The following GOLPH3L variants were observed in gnomAD, a reference collection of about 807,000 sequenced individuals.
GOLPH3L encodes golgi phosphoprotein 3 like.
Under a neutral mutation model 30.3 loss-of-function variants are expected in GOLPH3L, and 22 were observed. That is an observed-to-expected ratio of 0.73 (90% confidence interval 0.52 to 1.04). GOLPH3L has a LOEUF of 1.04. GOLPH3L is among the 50% of genes least tolerant of loss of function. The probability of loss-of-function intolerance (pLI) is 0.00; values close to 1 mark genes in which losing one functional copy is unlikely to be tolerated. For synonymous variants in GOLPH3L, 120 were observed against 128.2 expected, an observed-to-expected ratio of 0.94 and a Z score of 0.43; for missense variants, 303 against 345.8, an observed-to-expected ratio of 0.88 and a Z score of 0.98.
rs368912445 is a variant in GOLPH3L, at chr1:150,673,608, AAG to A, written c.184-9847_184-9846del. 9.7e-4 allele frequency among the ~76,000 whole-genome samples: 147 copies of A among 151,920 alleles called. 2 individuals are homozygous for A. The South Asian group carries it at 0.029, about 30-fold the overall frequency. On this transcript the variant is annotated intron_variant, in intron 2 of 4. Transcript: ENST00000271732. ...CAAAAAACAAAAGAAAACAGAAGAA[AAG>A]AGAAAGTTGAGAAGGGGGAGCAAAA...
intron 2 of GOLPH3L, among the ~76,000 whole-genome samples, chr1:150,692,474 C>T (rs1651235524): frequency 6.6e-6 from 1 of 152,204 alleles, no homozygotes; most frequent in Non-Finnish European, 1.5e-5. Flanking sequence ...AAGCCTCGAC[C>T]TCCGAGGCTT....
At chr1:150,672,566 G>T (rs1201826950) in intron 2 of GOLPH3L, among the ~76,000 whole-genome samples, 2 of 152,148 alleles carry the variant, frequency 1.3e-5, no homozygotes, top group East Asian at 3.9e-4. Flanking sequence ...GAGTAGCTGG[G>T]ATTACAGGGG....
intron 2 of GOLPH3L, among the ~76,000 whole-genome samples, chr1:150,668,672 T>C (rs1040372461): frequency 2.0e-5 from 3 of 152,112 alleles, no homozygotes; most frequent in African/African-American, 7.2e-5. Context: ...TGTGAGCCAC[T>C]GTGCCTGGCC....
intron 2 of GOLPH3L, among the ~76,000 whole-genome samples, chr1:150,675,881 G>C: frequency 6.6e-6 from 1 of 151,036 alleles, no homozygotes; most frequent in East Asian, 1.9e-4. Context: ...GGAGTCAGTA[G>C]GATATTGTCT....
intron 4 of GOLPH3L, among the ~76,000 whole-genome samples, chr1:150,659,770 T>C (rs1241580): frequency 0.98 from 148,482 of 152,252 alleles, 72,495 homozygotes; most frequent in East Asian, 1. Flanking sequence ...CAGTGGCTCA[T>C]GCCTGTAATC....
intron 2 of GOLPH3L, among the ~76,000 whole-genome samples, chr1:150,667,577 TTTTC>T (rs1431200592): frequency 6.7e-6 from 1 of 148,300 alleles, no homozygotes; most frequent in Non-Finnish European, 1.5e-5. Flanking sequence ...TTTACTAGTC[TTTTC>T]TTTTTTTTTC....
intron 2 of GOLPH3L, among the ~76,000 whole-genome samples, chr1:150,687,573 C>G (rs1015397183): frequency 2.0e-5 from 3 of 149,602 alleles, no homozygotes; most frequent in African/African-American, 2.5e-5. Context: ...GAAACTCTGT[C>G]TCAAAAAAAA....
In GOLPH3L at chr1:150,661,868, T is replaced by C; in HGVS notation, c.376A>G (p.Ile126Val). The change falls in exon 4 of 5, where the codon ATC (isoleucine) becomes GTC (valine). Residue 126 changes from isoleucine (I) to valine (V), a missense_variant. Physicochemically the swap from Ile to Val is conservative, Grantham distance 29 (BLOSUM62 3). Coordinates refer to ENST00000271732, the MANE Select transcript of GOLPH3L (RefSeq NM_018178.6). ...GTTTCTGTGGGTTCAGTTGCTTTGA[T>C]GTGTTTCAGAGTTTCATCCAGTAAA... ...DVLLDETLKHIKATEPTETVQ... is the reference protein window; with the variant it reads ...DVLLDETLKHVKATEPTETVQ... The C allele has an allele frequency of 6.2e-7, 1 of 1,602,280 alleles. No homozygotes were observed. The highest frequency in any genetic ancestry group is 1.7e-5 in the Admixed American group (1 of 59,998).
rs34446972 is a variant in GOLPH3L at position 150,652,380 on chromosome 1, CAAAAAAAAAAAAA to C, written c.431-3645_431-3633del. On this transcript the variant is annotated intron_variant, in intron 4 of 4. Coordinates refer to ENST00000271732, the MANE Select transcript of GOLPH3L (RefSeq NM_018178.6). Reference sequence around the variant, plus strand: ...TGGGTGACAGAGTGAGACTCTGTCTCAAAAAAAAAAAAAAAAAAAAAAAAAAAACCCTAAAAAA... The same window carrying C: ...TGGGTGACAGAGTGAGACTCTGTCTCAAAAAAAAAAAAAAACCCTAAAAAA... 7.2e-4 allele frequency among the ~76,000 whole-genome samples: 29 copies of C among 40,194 alleles called. No individual in the cohort carries two copies. The East Asian group carries it at 0.027, about 38-fold the overall frequency. 26.4% of individuals were successfully genotyped at this position (40,194 alleles called of 152,430 possible).
At chr1:150,670,590 C>CT (rs1409667975) in intron 2 of GOLPH3L, among the ~76,000 whole-genome samples, 1 of 152,132 alleles carries the variant, frequency 6.6e-6, no homozygotes, top group Non-Finnish European at 1.5e-5. Flanking sequence ...GAGCAAGACT[C>CT]TGTCTCAAAA....
chr1:150,672,620 G>A (rs981156383), intron 2 of GOLPH3L, among the ~76,000 whole-genome samples: 3 of 152,078 alleles, frequency 2.0e-5, no homozygotes, highest in African/African-American at 7.2e-5. Flanking sequence ...TAGTAGAGAC[G>A]GGACTTCATC....
At chr1:150,685,862 T>G (rs1354724281) in intron 2 of GOLPH3L, among the ~76,000 whole-genome samples, 1 of 149,122 alleles carries the variant, frequency 6.7e-6, no homozygotes, top group Non-Finnish European at 1.5e-5. Context: ...GAAACTTGCT[T>G]TGTAAGTATG....
At chr1:150,678,606 GTTT>G (rs1479253027) in intron 2 of GOLPH3L, among the ~76,000 whole-genome samples, 2 of 152,130 alleles carry the variant, frequency 1.3e-5, no homozygotes, top group African/African-American at 4.8e-5. Flanking sequence ...TTACATGAGA[GTTT>G]ATTATATTGT....
chr1:150,678,247 C>G (rs1447497402), intron 2 of GOLPH3L, among the ~76,000 whole-genome samples: 1 of 126,552 alleles, frequency 7.9e-6, no homozygotes, highest in South Asian at 2.6e-4. Flanking sequence ...TTCAGTGAGC[C>G]GAGATCGCCT....
chr1:150,667,744 C>CA (rs747867988), intron 2 of GOLPH3L, among the ~76,000 whole-genome samples: 1 of 151,982 alleles, frequency 6.6e-6, no homozygotes, highest in Non-Finnish European at 1.5e-5. Flanking sequence ...AGGCGCCCGC[C>CA]ACCACACCCA....
rs587729229 is a variant in GOLPH3L, at chr1:150,664,455, T to C, written c.184-692A>G. Among the ~76,000 whole-genome samples the C allele has an allele frequency of 1.0e-3, 152 of 152,152 alleles. No homozygotes were observed. The Middle Eastern group carries it at 0.01, about 10-fold the overall frequency. On this transcript the variant is annotated intron_variant, in intron 2 of 4. Coordinates refer to ENST00000271732, the MANE Select transcript of GOLPH3L (RefSeq NM_018178.6). ...TCCTAGATATGTATTAATTTGAAGTTCTTTTTTCTTTTTTTTGAGATGGAG... is the reference window on the plus strand; with the variant it reads ...TCCTAGATATGTATTAATTTGAAGTCCTTTTTTCTTTTTTTTGAGATGGAG...
chr1:150,656,470 G>A (rs1348804772), intron 4 of GOLPH3L, among the ~76,000 whole-genome samples: 1 of 152,114 alleles, frequency 6.6e-6, no homozygotes. Context: ...AAAAGAAGCT[G>A]AGGCAGAGCT....
At chr1:150,660,561 C>T (rs1474222186) in intron 4 of GOLPH3L, among the ~76,000 whole-genome samples, 4 of 152,042 alleles carry the variant, frequency 2.6e-5, no homozygotes, top group Admixed American at 2.0e-4. Context: ...AATGGTTAAA[C>T]GAAAGTGTTA....
At chr1:150,672,187 G>A (rs1453729943) in intron 2 of GOLPH3L, among the ~76,000 whole-genome samples, 1 of 152,056 alleles carries the variant, frequency 6.6e-6, no homozygotes, top group East Asian at 1.9e-4. Context: ...CAATTCCAAA[G>A]CCCAAGGAAA....
Sources: gnomAD v4.1 joint callset for allele counts (sites outside exome capture counted in the v4.1 genomes callset) on GRCh38, gnomAD v4.1.1 for gene constraint, MANE v1.5 for transcripts, NCBI Gene and HGNC (gene_info 2026-07-23, HGNC 2026-07-21) for gene names.